Variants in TTC8 observed in about 807,000 individuals in gnomAD.
The protein encoded by TTC8 is tetratricopeptide repeat domain 8.
TTC8 carries 47 observed loss-of-function variants against 72.5 expected under a neutral mutation model. The ratio of observed to expected loss-of-function variants is 0.65; its 90% CI spans 0.51 to 0.83. The LOEUF is 0.83. TTC8 is among the 40% of genes least tolerant of loss of function. The pLI is 0.00. For synonymous variants in TTC8, 199 were observed against 221.4 expected (o/e 0.90, Z 0.90); for missense variants, 611 against 623.2 (o/e 0.98, Z 0.21).
In TTC8 at chr14:88,875,022, A is replaced by G. The variant is rs1188783733; in HGVS notation, c.1348-4A>G. Reference sequence around the variant, plus strand: ...GTTTTTCTTTTCTTTATTTTTATACACAGGCAAGGGCACTATTACAAACTG... The same window carrying G: ...GTTTTTCTTTTCTTTATTTTTATACGCAGGCAAGGGCACTATTACAAACTG... On this transcript the variant is annotated splice_region_variant and splice_polypyrimidine_tract_variant and intron_variant, in intron 13 of 14. Coordinates refer to ENST00000380656, the MANE Select transcript of TTC8 (RefSeq NM_144596.4). 1.2e-6 allele frequency: 2 copies of G among 1,609,922 alleles called. No homozygotes were observed. The highest frequency in any genetic ancestry group is 1.7e-5 in the Admixed American group (1 of 59,820).
chr14:88,824,878 G>A, intron 1 of TTC8, 57 bp downstream of exon 1: 1 of 1,496,098 alleles, frequency 6.7e-7, no homozygotes, highest in Admixed American at 1.8e-5. Flanking sequence ...CGGGGTCTGG[G>A]GCATATCCCA....
rs71130022 is a variant in TTC8 at position 88,862,541 on chromosome 14, C to CATATATAT, written c.909+1258_909+1265dup. Among the ~76,000 whole-genome samples, 78 of 23,788 alleles carry CATATATAT rather than the reference C, an allele frequency of 3.3e-3. 4 individuals are homozygous for CATATATAT. Among genetic ancestry groups the CATATATAT allele is most frequent in the Non-Finnish European group, 4.3e-3 (53 of 12,212 alleles). 15.6% of individuals were successfully genotyped at this position (23,788 alleles called of 152,430 possible). A position where few individuals can be genotyped will look rare whatever the true frequency, so the allele number is the denominator to read the frequency against. The stretch of plus-strand genomic sequence containing the variant: ...ATTCCATTCTCTCTCTCTCTCTCTC[C>CATATATAT]ATATATATATATATATATATATATA... On this transcript the variant is annotated intron_variant, in intron 10 of 14. Transcript: ENST00000380656.
intron 7 of TTC8, among the ~76,000 whole-genome samples, chr14:88,849,808 G>A (rs543018885): frequency 6.6e-6 from 1 of 152,172 alleles, no homozygotes; most frequent in African/African-American, 2.4e-5. Context: ...TTCTGCCTTT[G>A]AGTATTTAAT....
At chr14:88,877,993 T>G (rs2094963910), downstream of TTC8, 1 of 152,192 alleles carries the variant, frequency 6.6e-6, no homozygotes, top group Non-Finnish European at 1.5e-5. Context: ...ACACCATCAT[T>G]TCATTATTTT....
At chr14:88,862,081 C>T (rs759591805) in intron 10 of TTC8, among the ~76,000 whole-genome samples, 1 of 152,088 alleles carries the variant, frequency 6.6e-6, no homozygotes, top group Non-Finnish European at 1.5e-5. Flanking sequence ...AACTATACTA[C>T]TTTACATTCC....
At chr14:88,878,441 C>T (rs955671450), downstream of TTC8, 1 of 152,274 alleles carries the variant, frequency 6.6e-6, no homozygotes, top group African/African-American at 2.4e-5. Flanking sequence ...ATAGATACTT[C>T]TATTCTTTTC....
chr14:88,845,515 GAA>G, intron 7 of TTC8, among the ~76,000 whole-genome samples: 1 of 152,166 alleles, frequency 6.6e-6, no homozygotes, highest in East Asian at 1.9e-4. Flanking sequence ...GTAGGGAAAA[GAA>G]AAAATGAAGG....
At chr14:88,872,304 G>T in intron 12 of TTC8, 26 bp from the exon 13 acceptor site, 1 of 1,613,194 alleles carries the variant, frequency 6.2e-7, no homozygotes, top group Non-Finnish European at 8.5e-7. Context: ...GGACCCATGG[G>T]TGTGAACATA....
At position 88,834,698 on chromosome 14, in the gene TTC8, A is replaced by ATT. The variant is rs372300947; in HGVS notation, c.144+986_144+987dup. Among the ~76,000 whole-genome samples, 21 of 147,426 alleles carry ATT rather than the reference A, an allele frequency of 1.4e-4. 1 individual carries two copies. Among genetic ancestry groups the ATT allele is most frequent in the African/African-American group, 2.7e-4 (11 of 40,436 alleles). On this transcript the variant is annotated intron_variant, in intron 2 of 14. Transcript: ENST00000380656. The stretch of plus-strand genomic sequence containing the variant: ...ACAAACTGATAGATGGGGCAAAACT[A>ATT]TTTTTTTTTTTGCATAATATGGGTA...
At chr14:88,836,490 T>TA (rs5810432) in intron 2 of TTC8, among the ~76,000 whole-genome samples, 19,240 of 134,282 alleles carry the variant, frequency 0.14, 3,648 homozygotes, top group African/African-American at 0.43. Flanking sequence ...GAGCCTGTCT[T>TA]AAAAAAAAAA....
chr14:88,865,181 A>G (rs2094904565), intron 10 of TTC8, among the ~76,000 whole-genome samples: 2 of 152,066 alleles, frequency 1.3e-5, no homozygotes, highest in South Asian at 4.1e-4. Context: ...GCAATTAAAA[A>G]CCTTACCCTG....
intron 6 of TTC8, 105 bp from the exon 7 acceptor site, chr14:88,843,701 A>G: frequency 1.4e-6 from 1 of 731,168 alleles, no homozygotes; most frequent in Non-Finnish European, 2.3e-6. Context: ...GTAACAAAAG[A>G]TGGATAGGCC....
chr14:88,877,328 A>C lies in TTC8; in HGVS notation c.1466A>C (p.Gln489Pro), dbSNP rs1208527883. 1 of 1,613,790 alleles carries C rather than the reference A, an allele frequency of 6.2e-7. No homozygotes were observed. Among genetic ancestry groups the C allele is most frequent in the Non-Finnish European group, 8.5e-7 (1 of 1,179,794 alleles). The change falls in exon 15 of 15, where the codon CAG becomes CCG. Residue 489 changes from glutamine (Q) to proline (P), a missense_variant. Physicochemically the swap from Gln to Pro is moderately conservative, Grantham distance 76 (BLOSUM62 -1). Coordinates refer to ENST00000380656, the MANE Select transcript of TTC8 (RefSeq NM_144596.4). ...CTGCAGAGAAGCTATGTTGCTGCGC[A>C]GAAGTCTGAAGCAGCATTTCCAGAC... ...GDLQRSYVAAQKSEAAFPDHV... is the reference protein window; with the variant it reads ...GDLQRSYVAAPKSEAAFPDHV...
intron 10 of TTC8, among the ~76,000 whole-genome samples, chr14:88,869,806 T>C (rs1595985003): frequency 1.3e-5 from 2 of 152,316 alleles, no homozygotes; most frequent in Middle Eastern, 6.8e-3. Context: ...TCTCCTTCTC[T>C]GTTTCTCTTC....
chr14:88,849,941 G>A (rs1420703771), intron 7 of TTC8, among the ~76,000 whole-genome samples: 3 of 151,926 alleles, frequency 2.0e-5, no homozygotes, highest in Admixed American at 2.0e-4. Context: ...TCATCATCCT[G>A]AAGTTGTTAC....
At chr14:88,862,541 CATATATATATATATATATATAT>C (rs71130022) in intron 10 of TTC8, among the ~76,000 whole-genome samples, 348 of 23,812 alleles carry the variant, frequency 0.015, 19 homozygotes, top group South Asian at 0.098. Context: ...TCTCTCTCTC[CATATATATATATATATATATAT>C]ATATATATAT....
At chr14:88,853,804 A>C (rs2094844307) in intron 8 of TTC8, among the ~76,000 whole-genome samples, 1 of 152,256 alleles carries the variant, frequency 6.6e-6, no homozygotes, top group Admixed American at 6.5e-5. Flanking sequence ...CTAGTAAATA[A>C]GATCTGAAAC....
At chr14:88,868,153 ACAGACTAAT>A (rs772144572) in intron 10 of TTC8, among the ~76,000 whole-genome samples, 50 of 152,210 alleles carry the variant, frequency 3.3e-4, no homozygotes, top group Non-Finnish European at 5.4e-4. Flanking sequence ...TCTGGGTTAA[ACAGACTAAT>A]CTACCCTGTC....
At chr14:88,878,258 C>T (rs1055893459), downstream of TTC8, 1 of 152,262 alleles carries the variant, frequency 6.6e-6, no homozygotes, top group East Asian at 1.9e-4. Context: ...CCATGCATGG[C>T]ATAGCAGCCT....
Sources: gnomAD v4.1 joint callset for allele counts (sites outside exome capture counted in the v4.1 genomes callset) on GRCh38, gnomAD v4.1.1 for gene constraint, MANE v1.5 for transcripts, NCBI Gene and HGNC (gene_info 2026-07-23, HGNC 2026-07-21) for gene names.